Variants in LAMA3 observed in about 807,000 individuals in gnomAD.
LAMA3 encodes laminin subunit alpha 3.
A neutral mutation model predicts 402.0 loss-of-function variants in LAMA3; 281 were observed. The observed-to-expected ratio is 0.70, with a 90% CI of 0.63 to 0.77. LAMA3 has a LOEUF of 0.77. Ranked by LOEUF, LAMA3 falls within the 30% of genes least tolerant of loss-of-function variation. The pLI, the probability that LAMA3 is intolerant of heterozygous loss-of-function variation, is 0.00. For missense variants in LAMA3, 3,840 were observed against 4,215.5 expected, an observed-to-expected ratio of 0.91 and a Z score of 2.47; for synonymous variants, 1,431 against 1,558.4, an observed-to-expected ratio of 0.92 and a Z score of 1.93.
chr18:23,784,265 A>C, intron 12 of LAMA3, 108 bp downstream of exon 12: 1 of 1,337,382 alleles, frequency 7.5e-7, no homozygotes, highest in Non-Finnish European at 1.1e-6. Flanking sequence ...AGTTTAATAA[A>C]TGGGCCCCTG....
intron 68 of LAMA3, among the ~76,000 whole-genome samples, chr18:23,940,175 G>A (rs1599152956): frequency 6.6e-6 from 1 of 152,206 alleles, no homozygotes; most frequent in African/African-American, 2.4e-5. Flanking sequence ...GATGGGGGCA[G>A]GCAGGGAGAG....
intron 20 of LAMA3, 111 bp downstream of exon 20, chr18:23,822,486 C>T (rs2063305869): frequency 8.4e-7 from 1 of 1,196,792 alleles, no homozygotes. Flanking sequence ...TCAAGCCTGG[C>T]TCATGGTCTG....
Position 23,950,078 on chromosome 18 carries a change from C to A in LAMA3, c.9561C>A (p.Arg3187=). 1 of 1,614,118 alleles carries A rather than the reference C, an allele frequency of 6.2e-7. No individual in the cohort carries two copies. Among genetic ancestry groups the A allele is most frequent in the South Asian group, 1.1e-5 (1 of 91,068 alleles). ...GPEFKLVFSI[R]PRSLTGILIH... ...AATTTAAGCTTGTTTTCAGCATCCG[C>A]CCAAGAAGTCTCACTGGGATCCTAA... The change falls in exon 72 of 75, where the codon CGC becomes CGA. Residue 3187 remains arginine (R), a synonymous_variant. Transcript: ENST00000313654.
At chr18:23,778,795 A>T (rs894300900) in intron 11 of LAMA3, among the ~76,000 whole-genome samples, 1 of 152,186 alleles carries the variant, frequency 6.6e-6, no homozygotes, top group Non-Finnish European at 1.5e-5. Flanking sequence ...CTGCAGCGCC[A>T]CGGTGTGGGC....
intron 34 of LAMA3, among the ~76,000 whole-genome samples, chr18:23,861,081 A>G (rs2064208031): frequency 6.6e-6 from 1 of 151,398 alleles, no homozygotes. Context: ...AGTAATTGGA[A>G]AAAAAAAATA....
At chr18:23,766,698 G>C (rs2081211529) in intron 8 of LAMA3, among the ~76,000 whole-genome samples, 1 of 152,158 alleles carries the variant, frequency 6.6e-6, no homozygotes, top group South Asian at 2.1e-4. Context: ...AATTAGCCAG[G>C]CATGGTGGTG....
At chr18:23,701,030 A>C (rs1023536105) in intron 1 of LAMA3, among the ~76,000 whole-genome samples, 1 of 152,226 alleles carries the variant, frequency 6.6e-6, no homozygotes, top group Admixed American at 6.5e-5. Flanking sequence ...TATTGTTGAG[A>C]AATCTATTTT....
In LAMA3 at chr18:23,898,569, A is replaced by G. The variant is rs144820641; in HGVS notation, c.5614-169A>G. 2,602 of 632,840 alleles carry G rather than the reference A, an allele frequency of 4.1e-3. 80 individuals are homozygous for G. In the Admixed American group the frequency reaches 0.061, roughly 15 times the overall value. The allele number at this position is 632,840 out of a possible 1,614,324, so 39.2% of individuals were successfully genotyped here. On this transcript the variant is annotated intron_variant, in intron 44 of 74. Coordinates refer to ENST00000313654, the MANE Select transcript of LAMA3 (RefSeq NM_198129.4). Reference sequence around the variant, plus strand: ...ATTTTAGAGCCATATCACAATGTACATCAGAAAATAGATTCCTTATGTAAC... The same window carrying G: ...ATTTTAGAGCCATATCACAATGTACGTCAGAAAATAGATTCCTTATGTAAC...
chr18:23,953,015 C>T lies in LAMA3; in HGVS notation c.9762C>T (p.His3254=). ...VAVTIKQHIL[H]LELDTDSSYT... ...TCACCATAAAACAACACATCCTGCA[C>T]CTGGAACTGGACACAGACAGTAGCT... Residue 3254 remains histidine (H), a synonymous_variant, in exon 74 of 75, where the codon CAC becomes CAT. Transcript: ENST00000313654. 6.2e-7 allele frequency: 1 copy of T among 1,614,152 alleles called. No individual in the cohort carries two copies. Among genetic ancestry groups the T allele is most frequent in the Non-Finnish European group, 8.5e-7 (1 of 1,179,986 alleles).
chr18:23,900,841 G>A (rs944081581), intron 47 of LAMA3, among the ~76,000 whole-genome samples: 8 of 152,302 alleles, frequency 5.3e-5, no homozygotes, highest in Non-Finnish European at 8.8e-5. Flanking sequence ...TCCTAAGCCC[G>A]ACTGGCCATG....
At chr18:23,934,751 G>C (rs1371645279) in intron 67 of LAMA3, among the ~76,000 whole-genome samples, 1 of 152,188 alleles carries the variant, frequency 6.6e-6, no homozygotes, top group East Asian at 1.9e-4. Context: ...TTCTGCCCAA[G>C]CTCCCACAGG....
intron 74 of LAMA3, among the ~76,000 whole-genome samples, chr18:23,953,813 G>A (rs1022151953): frequency 1.1e-4 from 17 of 152,192 alleles, no homozygotes; most frequent in African/African-American, 4.1e-4. Flanking sequence ...AATCAGGTAG[G>A]CTGAAATGGA....
At chr18:23,882,112 G>T (rs2064918596) in intron 40 of LAMA3, 67 bp downstream of exon 40, 1 of 994,392 alleles carries the variant, frequency 1.0e-6, no homozygotes, top group African/African-American at 1.6e-5. Context: ...AGGACTAGGG[G>T]TGGGAGAGCA....
chr18:23,929,166 T>C (rs2082091163), intron 64 of LAMA3, among the ~76,000 whole-genome samples: 1 of 152,248 alleles, frequency 6.6e-6, no homozygotes, highest in Non-Finnish European at 1.5e-5. Context: ...TCTCTCCAGA[T>C]TGCCTTTTTG....
chr18:23,916,447 T>C, intron 59 of LAMA3, 104 bp from the exon 60 acceptor site: 1 of 1,341,966 alleles, frequency 7.5e-7, no homozygotes, highest in South Asian at 1.2e-5. Flanking sequence ...AGATTGCATT[T>C]TCTTGGCTCC....
At position 23,939,493 on chromosome 18, in the gene LAMA3, G is replaced by A. The variant is rs150903626; in HGVS notation, c.9026+107G>A. 437 of 1,198,426 alleles carry A rather than the reference G, an allele frequency of 3.6e-4. 4 individuals carry two copies. The East Asian group carries it at 0.01, about 27-fold the overall frequency. 74.2% of individuals were successfully genotyped at this position (1,198,426 alleles called of 1,614,324 possible). On this transcript the variant is annotated intron_variant, in intron 68 of 74. Coordinates refer to ENST00000313654, the MANE Select transcript of LAMA3 (RefSeq NM_198129.4). The stretch of plus-strand genomic sequence containing the variant: ...CACCATGCAGCTCTCTCTAATGAAG[G>A]TGGCACTACCATTTTTGTGCAAAGA...
Position 23,894,965 on chromosome 18 carries a change from C to T in LAMA3, c.5520C>T (p.Leu1840=). 1 of 1,614,154 alleles carries T rather than the reference C, an allele frequency of 6.2e-7. No individual in the cohort carries two copies. The highest frequency in any genetic ancestry group is 8.5e-7 in the Non-Finnish European group (1 of 1,180,014). ...ACCTGGCCACCATGGGCGAGCAGCTCCGCCTGGTCAAGTCTCAGCTGCAGG... is the reference window on the plus strand; with the variant it reads ...ACCTGGCCACCATGGGCGAGCAGCTTCGCCTGGTCAAGTCTCAGCTGCAGG... ...LNDLATMGEQ[L]RLVKSQLQGL... Residue 1840 remains leucine (L), a synonymous_variant, in exon 44 of 75, where the codon CTC becomes CTT. Coordinates refer to ENST00000313654, the MANE Select transcript of LAMA3 (RefSeq NM_198129.4).
At position 23,838,884 on chromosome 18, in the gene LAMA3, G is replaced by T; in HGVS notation, c.3191+6G>T. ...GGGCGATTTGTCAATCAAAGGTAATGTGTTTCCTTCCTGTCTCCCCGTTCA... is the reference window on the plus strand; with the variant it reads ...GGGCGATTTGTCAATCAAAGGTAATTTGTTTCCTTCCTGTCTCCCCGTTCA... On this transcript the variant is annotated splice_donor_region_variant and intron_variant, in intron 26 of 74. Coordinates refer to ENST00000313654, the MANE Select transcript of LAMA3 (RefSeq NM_198129.4). The T allele has an allele frequency of 6.5e-7, 1 of 1,541,926 alleles. No homozygotes were observed. Among genetic ancestry groups the T allele is most frequent in the Non-Finnish European group, 9.0e-7 (1 of 1,114,124 alleles).
chr18:23,941,882 C>A (rs937550831), intron 68 of LAMA3, among the ~76,000 whole-genome samples: 2 of 152,178 alleles, frequency 1.3e-5, no homozygotes, highest in African/African-American at 2.4e-5. Context: ...TTCTGCAGCA[C>A]GTTCTAATAT....
Sources: allele counts gnomAD v4.1 joint callset (sites outside exome capture counted in the v4.1 genomes callset), GRCh38; gene constraint gnomAD v4.1.1; transcripts MANE v1.5; gene names NCBI Gene and HGNC (gene_info 2026-07-23, HGNC 2026-07-21).